The following PRH1 variants were observed in gnomAD, a reference collection of about 807,000 sequenced individuals.
The protein encoded by PRH1 is proline rich protein HaeIII subfamily 1, also known as salivary acidic proline-rich phosphoprotein 1/2.
PRH1 carries 7 observed loss-of-function variants against 7.9 expected under a neutral mutation model. The observed-to-expected ratio is 0.89, with a 90% CI of 0.50 to 1.67. PRH1 has a LOEUF of 1.67. Ranked by LOEUF, PRH1 falls within the 40% of genes most tolerant of loss-of-function variation. The pLI is 0.00. For missense variants in PRH1, 109 were observed against 223.6 expected (o/e 0.49, Z 3.27); for synonymous variants, 45 against 80.8 (o/e 0.56, Z 2.38).
At chr12:10,960,752 GT>G (rs981572982) in intron 2 of PRH1, among the ~76,000 whole-genome samples, 17 of 152,172 alleles carry the variant, frequency 1.1e-4, no homozygotes, top group African/African-American at 3.9e-4. Flanking sequence ...TTGAACAGAA[GT>G]AAAATATCAG....
chr12:10,911,324 A>G (rs375525482), intron 2 of PRH1, among the ~76,000 whole-genome samples: 16 of 152,188 alleles, frequency 1.1e-4, no homozygotes, highest in African/African-American at 2.7e-4. Flanking sequence ...GACATAGAGA[A>G]TGGATAACAG....
chr12:10,931,640 C>A (rs991248969), intron 2 of PRH1, among the ~76,000 whole-genome samples: 1 of 152,172 alleles, frequency 6.6e-6, no homozygotes, highest in Admixed American at 6.5e-5. Context: ...CTTACCAAAA[C>A]TCCCACTTTT....
chr12:11,105,200 A>C (rs2136291888), intron 1 of PRH1, among the ~76,000 whole-genome samples: 1 of 152,186 alleles, frequency 6.6e-6, no homozygotes, highest in Non-Finnish European at 1.5e-5. Flanking sequence ...GACTCAAAGA[A>C]AAAAAGTTGA....
At chr12:11,095,542 C>A (rs4763621) in intron 1 of PRH1, among the ~76,000 whole-genome samples, 46,520 of 91,312 alleles carry the variant, frequency 0.51, 19,231 homozygotes, top group East Asian at 0.95. Context: ...CAATAAGACC[C>A]TTTATTGGCC....
intron 2 of PRH1, among the ~76,000 whole-genome samples, chr12:10,916,830 T>C (rs1352490034): frequency 6.6e-6 from 1 of 151,892 alleles, no homozygotes; most frequent in African/African-American, 2.4e-5. Context: ...GGAAGATATC[T>C]TGAGCCCAGG....
chr12:11,015,820 TTTA>T (rs999341483), intron 1 of PRH1, among the ~76,000 whole-genome samples: 4 of 152,158 alleles, frequency 2.6e-5, no homozygotes, highest in Admixed American at 6.5e-5. Flanking sequence ...TTACTATTTT[TTTA>T]TTATTATTTT....
chr12:10,888,699 A>G (rs1466269991), upstream of PRH1, among the ~76,000 whole-genome samples: 2 of 152,058 alleles, frequency 1.3e-5, no homozygotes, highest in Non-Finnish European at 2.9e-5. Context: ...ATTCTATTTT[A>G]GTTGATCCGT....
At chr12:11,139,771 G>A (rs113645149) in intron 1 of PRH1, among the ~76,000 whole-genome samples, 2 of 152,152 alleles carry the variant, frequency 1.3e-5, no homozygotes, top group African/African-American at 4.8e-5. Flanking sequence ...TCGGATAAGA[G>A]TGTAAATACT....
intron 2 of PRH1, among the ~76,000 whole-genome samples, chr12:10,910,214 A>G (rs981714495): frequency 2.6e-5 from 4 of 152,190 alleles, no homozygotes; most frequent in Admixed American, 1.3e-4. Flanking sequence ...TCTATATACA[A>G]TATATTTTTT....
At chr12:11,086,595 C>T (rs1308390764) in intron 1 of PRH1, among the ~76,000 whole-genome samples, 2 of 151,570 alleles carry the variant, frequency 1.3e-5, no homozygotes, top group Admixed American at 6.6e-5. Context: ...CAACTACTGC[C>T]TGCCTCAGTA....
chr12:10,953,450 A>C (rs1044393178), intron 2 of PRH1, among the ~76,000 whole-genome samples: 2 of 152,226 alleles, frequency 1.3e-5, no homozygotes, highest in African/African-American at 4.8e-5. Context: ...ACATCACTTC[A>C]CGAATTTTGG....
chr12:10,942,756 A>G (rs192895901), intron 2 of PRH1, among the ~76,000 whole-genome samples: 198 of 152,150 alleles, frequency 1.3e-3, no homozygotes, highest in African/African-American at 4.3e-3. Flanking sequence ...AATTGTTCCA[A>G]AATTCAGCTG....
intron 1 of PRH1, among the ~76,000 whole-genome samples, chr12:11,137,062 C>G (rs1946579284): frequency 6.6e-6 from 1 of 152,084 alleles, no homozygotes; most frequent in African/African-American, 2.4e-5. Flanking sequence ...ATGTGAGTAG[C>G]TTTTTTTGGA....
chr12:10,995,406 G>T lies in PRH1; in HGVS notation c.-125-21685C>A, dbSNP rs188674524. Among the ~76,000 whole-genome samples the T allele has an allele frequency of 6.1e-4, 89 of 145,344 alleles. No homozygotes were observed. In the East Asian group the frequency reaches 0.016, roughly 26 times the overall value. ...ATATTGTTAAAATTGCATAACACCAGAAATTAATACAGTCACACAGAATTT... is the reference window on the plus strand; with the variant it reads ...ATATTGTTAAAATTGCATAACACCATAAATTAATACAGTCACACAGAATTT... On this transcript the variant is annotated intron_variant, in intron 1 of 3. Transcript: ENST00000539853.
intron 1 of PRH1, chr12:10,997,339 T>C (rs780242860): frequency 6.2e-7 from 1 of 1,614,112 alleles, no homozygotes; most frequent in Non-Finnish European, 8.5e-7. Flanking sequence ...CTAGCATGGC[T>C]ACAGTCAAGT....
At chr12:11,047,561 T>A (rs1460581787), upstream of PRH1, among the ~76,000 whole-genome samples, 1 of 152,106 alleles carries the variant, frequency 6.6e-6, no homozygotes, top group African/African-American at 2.4e-5. Context: ...AAGAAACAAC[T>A]TTTCTAACTA....
At chr12:11,122,685 T>A (rs1945950580) in intron 1 of PRH1, among the ~76,000 whole-genome samples, 2 of 152,286 alleles carry the variant, frequency 1.3e-5, no homozygotes, top group Admixed American at 6.5e-5. Context: ...TTAAAATCTC[T>A]TAGAGTTATA....
chr12:11,070,842 G>GATT (rs112807916), intron 1 of PRH1, among the ~76,000 whole-genome samples: 3 of 119,232 alleles, frequency 2.5e-5, no homozygotes, highest in African/African-American at 8.2e-5. Flanking sequence ...ATTTGCGTTG[G>GATT]CTTTTTCAGA....
At chr12:10,998,149 T>A (rs1004135711) in intron 1 of PRH1, among the ~76,000 whole-genome samples, 1 of 152,138 alleles carries the variant, frequency 6.6e-6, no homozygotes, top group African/African-American at 2.4e-5. Context: ...TAGGCTGAAA[T>A]TTTTCATACT....
Sources: gnomAD v4.1 joint callset for allele counts (sites outside exome capture counted in the v4.1 genomes callset) on GRCh38, gnomAD v4.1.1 for gene constraint, MANE v1.5 for transcripts, NCBI Gene and HGNC (gene_info 2026-07-23, HGNC 2026-07-21) for gene names.